RHOH: variants seen among roughly 807,000 people sequenced by gnomAD.
RHOH encodes ras homolog family member H.
Under a neutral mutation model 13.8 loss-of-function variants are expected in RHOH, and 6 were observed. The observed-to-expected ratio is 0.44, with a 90% CI of 0.24 to 0.86. The LOEUF is 0.86. Among genes scored for constraint, RHOH ranks in the 40% least tolerant of loss-of-function variants. RHOH has a pLI of 0.24. For missense variants in RHOH, 147 were observed against 244.5 expected, an observed-to-expected ratio of 0.60 and a Z score of 2.66; for synonymous variants, 117 against 103.0, an observed-to-expected ratio of 1.14 and a Z score of -0.82.
intron 1 of RHOH, among the ~76,000 whole-genome samples, chr4:40,214,357 G>A (rs1331939467): frequency 6.6e-6 from 1 of 152,226 alleles, no homozygotes; most frequent in Non-Finnish European, 1.5e-5. Context: ...TGAGATTTCA[G>A]AAGGTTAGCT....
At chr4:40,213,914 G>A (rs1021096144) in intron 1 of RHOH, among the ~76,000 whole-genome samples, 2 of 151,948 alleles carry the variant, frequency 1.3e-5, no homozygotes, top group Admixed American at 6.6e-5. Flanking sequence ...GTGCCACCAC[G>A]CCCGGCTAAT....
chr4:40,225,213 G>T (rs1727076471), intron 1 of RHOH, among the ~76,000 whole-genome samples: 2 of 152,188 alleles, frequency 1.3e-5, no homozygotes, highest in South Asian at 2.1e-4. Flanking sequence ...CCAGGTTCAA[G>T]TGATTCTCAT....
intron 1 of RHOH, among the ~76,000 whole-genome samples, chr4:40,212,169 A>G (rs1725347376): frequency 6.6e-6 from 1 of 152,192 alleles, no homozygotes. Context: ...AATGAAGCGA[A>G]TTAACTGCCA....
In RHOH at chr4:40,243,932, C is replaced by T. The variant is rs781552168; in HGVS notation, c.546C>T (p.Leu182=). The T allele has an allele frequency of 6.8e-6, 11 of 1,613,762 alleles. No homozygotes were observed. The highest frequency in any genetic ancestry group is 5.3e-5 in the African/African-American group (4 of 74,928). The change falls in exon 3 of 3, where the codon CTC becomes CTT. Residue 182 remains leucine, a synonymous_variant. Coordinates refer to ENST00000381799, the MANE Select transcript of RHOH (RefSeq NM_004310.5). This position sits in a 1 kb window ranked among gnomAD's most constrained non-coding sequence, Gnocchi z 6.2. Reference sequence around the variant, plus strand: ...CCAGGAGACGAAACAGAAGGAGGCTCTTCTCCATCAATGAGTGCAAGATCT... The same window carrying T: ...CCAGGAGACGAAACAGAAGGAGGCTTTTCTCCATCAATGAGTGCAAGATCT... ...NQARRRNRRR[L]FSINECKIF is the part of the protein sequence containing the mutation.
chr4:40,238,613 C>T (rs1198081348), intron 1 of RHOH, among the ~76,000 whole-genome samples: 1 of 152,146 alleles, frequency 6.6e-6, no homozygotes, highest in African/African-American at 2.4e-5. Flanking sequence ...GGACCCTTTT[C>T]TATGAAAATG....
intron 1 of RHOH, among the ~76,000 whole-genome samples, chr4:40,208,697 G>T (rs1410855550): frequency 6.6e-6 from 1 of 152,098 alleles, no homozygotes; most frequent in African/African-American, 2.4e-5. Flanking sequence ...CCATGTTTAA[G>T]AATTATTCCT....
At position 40,244,191 on chromosome 4, in the gene RHOH, ATGAATATTCCATCTT is replaced by A; in HGVS notation, c.*233_*247del. ...TTAGAAAATCCCTTGGGGAACTGTG[ATGAATATTCCATCTT>A]TGATTAAAAAAGTGAAATAGTCTCC... is the stretch of plus-strand genomic sequence containing the variant. On this transcript the variant is annotated 3_prime_UTR_variant, in exon 3 of 3. Transcript: ENST00000381799. 2.3e-6 allele frequency: 1 copy of A among 426,288 alleles called. No homozygotes were observed. 26.4% of individuals were successfully genotyped at this position (426,288 alleles called of 1,614,324 possible).
At chr4:40,212,906 G>C (rs531379412) in intron 1 of RHOH, 1 of 152,376 alleles carries the variant, frequency 6.6e-6, no homozygotes, top group South Asian at 2.1e-4. Context: ...AGCCACTGCT[G>C]ATAGATTGGG....
intron 1 of RHOH, among the ~76,000 whole-genome samples, chr4:40,235,865 C>T (rs1728505321): frequency 6.6e-6 from 1 of 151,738 alleles, no homozygotes; most frequent in Non-Finnish European, 1.5e-5. Flanking sequence ...AACTGTAGTC[C>T]CAGCTCTTCA....
chr4:40,229,579 AGTTGAGAT>A (rs1727655044), intron 1 of RHOH, among the ~76,000 whole-genome samples: 1 of 149,526 alleles, frequency 6.7e-6, no homozygotes, highest in Non-Finnish European at 1.5e-5. Context: ...GGTTGCAGTG[AGTTGAGAT>A]CTTGCCATTG....
chr4:40,217,592 G>T (rs1207185792), intron 1 of RHOH, among the ~76,000 whole-genome samples: 1 of 152,048 alleles, frequency 6.6e-6, no homozygotes, highest in Non-Finnish European at 1.5e-5. Flanking sequence ...TAACAATGTT[G>T]TCACATACTT....
chr4:40,241,978 G>T (rs1345518702), intron 1 of RHOH, among the ~76,000 whole-genome samples: 1 of 152,234 alleles, frequency 6.6e-6, no homozygotes, highest in African/African-American at 2.4e-5. Context: ...AATCAGACGT[G>T]TAGGTTTGCT....
At chr4:40,193,849 G>C (rs573126702), upstream of RHOH, 177 of 152,330 alleles carry the variant, frequency 1.2e-3, no homozygotes, top group African/African-American at 4.0e-3. Flanking sequence ...TCCAGGATGG[G>C]GTGGGACACA....
chr4:40,231,280 G>A (rs1727902804), intron 1 of RHOH, among the ~76,000 whole-genome samples: 1 of 149,326 alleles, frequency 6.7e-6, no homozygotes, highest in Non-Finnish European at 1.5e-5. Flanking sequence ...CAATATAGGA[G>A]CAAATTGGTT....
chr4:40,194,413 G>A (rs1722916038), upstream of RHOH, among the ~76,000 whole-genome samples: 1 of 152,056 alleles, frequency 6.6e-6, no homozygotes, highest in African/African-American at 2.4e-5. Context: ...ATTTTTAGAA[G>A]AGACGGGGTT....
intron 1 of RHOH, among the ~76,000 whole-genome samples, chr4:40,229,743 C>A (rs944879438): frequency 6.6e-6 from 1 of 151,796 alleles, no homozygotes; most frequent in African/African-American, 2.4e-5. Context: ...GGCTAATATA[C>A]CCCTGTATAC....
At chr4:40,241,588 G>A (rs1281324294) in intron 1 of RHOH, among the ~76,000 whole-genome samples, 4 of 152,102 alleles carry the variant, frequency 2.6e-5, no homozygotes, top group African/African-American at 9.7e-5. Context: ...GTGGGTTGAC[G>A]AGGATAAAAA....
At chr4:40,229,007 GGGCCTCCTTT>G (rs780944073) in intron 1 of RHOH, among the ~76,000 whole-genome samples, 6 of 152,148 alleles carry the variant, frequency 3.9e-5, no homozygotes, top group African/African-American at 1.4e-4. Context: ...GTCATCTCAG[GGGCCTCCTTT>G]GGCCTCCTTT....
chr4:40,213,481 A>G (rs1323600049), intron 1 of RHOH, among the ~76,000 whole-genome samples: 3 of 151,854 alleles, frequency 2.0e-5, no homozygotes, highest in Non-Finnish European at 4.4e-5. Context: ...ATTTAATTTT[A>G]GTCAGATTTA....
Sources: gnomAD v4.1 joint callset for allele counts (sites outside exome capture counted in the v4.1 genomes callset) on GRCh38, gnomAD v4.1.1 for gene constraint, Gnocchi (gnomAD v3.1) non-coding constraint, MANE v1.5 for transcripts, NCBI Gene and HGNC (gene_info 2026-07-23, HGNC 2026-07-21) for gene names.